KLHL25: variants seen among roughly 807,000 people sequenced by gnomAD.
The protein encoded by KLHL25 is kelch-like protein 25.
Under a neutral mutation model 30.0 loss-of-function variants are expected in KLHL25, and 41 were observed. The observed-to-expected ratio is 1.37, with a 90% CI of 1.07 to 1.78. KLHL25 has a LOEUF of 1.78. KLHL25 is among the 40% of genes most tolerant of loss of function. The pLI is 0.00. For synonymous variants in KLHL25, 399 were observed against 355.3 expected (o/e 1.12, Z -1.38); for missense variants, 971 against 824.5 (o/e 1.18, Z -2.18).
intron 1 of KLHL25, among the ~76,000 whole-genome samples, chr15:85,774,887 T>G (rs1352608040): frequency 6.6e-6 from 1 of 150,940 alleles, no homozygotes; most frequent in African/African-American, 2.4e-5. Flanking sequence ...TTTCTTTTTT[T>G]TTTTTTTGAG....
chr15:85,773,189 C>G (rs1223237465), intron 1 of KLHL25, among the ~76,000 whole-genome samples: 1 of 152,232 alleles, frequency 6.6e-6, no homozygotes, highest in African/African-American at 2.4e-5. Context: ...CTGATGTGAC[C>G]TCAACACCCA....
In KLHL25 at chr15:85,770,545, A is replaced by C. The variant is rs1197080450; in HGVS notation, c.-10-725T>G. On this transcript the variant is annotated intron_variant, in intron 1 of 2. Coordinates refer to ENST00000337975, the MANE Select transcript of KLHL25 (RefSeq NM_022480.4). The stretch of plus-strand genomic sequence containing the variant: ...CAGTGGAGACATGTTCTCTGAATCC[A>C]GGTGTCTCCACAGGGCTCTTTACCT... The C allele has an allele frequency of 1.9e-5, 10 of 534,114 alleles. No individual in the cohort carries two copies. The Admixed American group carries it at 1.9e-4, about 10-fold the overall frequency. The allele number at this position is 534,114 out of a possible 1,614,324, so 33.1% of individuals were successfully genotyped here.
At chr15:85,790,310 ACT>A (rs1239866394) in intron 1 of KLHL25, among the ~76,000 whole-genome samples, 2 of 152,010 alleles carry the variant, frequency 1.3e-5, no homozygotes, top group African/African-American at 4.8e-5. Context: ...CTGGTCTCAA[ACT>A]CCCGACCTCA....
intron 1 of KLHL25, among the ~76,000 whole-genome samples, chr15:85,772,275 G>C (rs1016571318): frequency 6.6e-6 from 1 of 152,220 alleles, no homozygotes; most frequent in Non-Finnish European, 1.5e-5. Context: ...CTGAGGTCAC[G>C]TTCAAGGGCC....
intron 1 of KLHL25, among the ~76,000 whole-genome samples, chr15:85,773,325 C>T (rs1375739880): frequency 1.3e-5 from 2 of 152,206 alleles, no homozygotes; most frequent in African/African-American, 4.8e-5. Flanking sequence ...ACCATGACTG[C>T]CAGCCCAGCC....
At chr15:85,785,678 A>G (rs1223150463) in intron 1 of KLHL25, among the ~76,000 whole-genome samples, 1 of 152,078 alleles carries the variant, frequency 6.6e-6, no homozygotes, top group African/African-American at 2.4e-5. Flanking sequence ...TGCTTTGTAC[A>G]ACACAGCAAA....
At position 85,768,760 on chromosome 15, in the gene KLHL25, C is replaced by A. The variant is rs368156822; in HGVS notation, c.1051G>T (p.Glu351Ter). 11 of 1,612,890 alleles carry A rather than the reference C, an allele frequency of 6.8e-6. No individual in the cohort carries two copies. In the African/African-American group the frequency reaches 9.3e-5, roughly 14 times the overall value. Reference sequence around the variant, plus strand: ...CAGACATCCTTGGAGACCCCGTTCTCGGAGCCCCTGCCCCCCGTCACATAG... The same window carrying A: ...CAGACATCCTTGGAGACCCCGTTCTAGGAGCCCCTGCCCCCCGTCACATAG... The part of the protein sequence containing the change: ...KVYVTGGRGS[E>*]NGVSKDVWVY... The change falls in exon 2 of 3, where the codon GAG becomes TAG. Residue 351 changes from glutamate to a stop codon, truncating the protein, a stop_gained. Coordinates refer to ENST00000337975, the MANE Select transcript of KLHL25 (RefSeq NM_022480.4). LOFTEE classifies it high-confidence loss of function.
chr15:85,770,643 A>G (rs1255165237), intron 1 of KLHL25: 1 of 492,562 alleles, frequency 2.0e-6, no homozygotes, highest in Non-Finnish European at 4.2e-6. Context: ...GAGGCCCAAG[A>G]TGACAGCAGG....
chr15:85,775,117 T>C (rs1454927827), intron 1 of KLHL25, among the ~76,000 whole-genome samples: 2 of 152,190 alleles, frequency 1.3e-5, no homozygotes, highest in Non-Finnish European at 1.5e-5. Flanking sequence ...CCTCAGGTGA[T>C]CTGCCCGTCT....
chr15:85,763,685 G>T (rs571524979), intron 2 of KLHL25: 5 of 152,276 alleles, frequency 3.3e-5, no homozygotes, highest in African/African-American at 1.2e-4. Flanking sequence ...TGGATGGAAA[G>T]GGGCCTCCAG....
chr15:85,761,936 C>T (rs575414226), intron 2 of KLHL25: 1 of 152,338 alleles, frequency 6.6e-6, no homozygotes, highest in Admixed American at 6.5e-5. Context: ...TATTAAGTAA[C>T]CTTAGTTACA....
At chr15:85,770,771 C>A (rs1316389495) in intron 1 of KLHL25, among the ~76,000 whole-genome samples, 1 of 152,218 alleles carries the variant, frequency 6.6e-6, no homozygotes, top group Non-Finnish European at 1.5e-5. Flanking sequence ...CGCAGCGCCT[C>A]CCCTGCCTCC....
chr15:85,769,947 A>C, intron 1 of KLHL25, 127 bp from the exon 2 acceptor site: 1 of 782,710 alleles, frequency 1.3e-6, no homozygotes. Flanking sequence ...TGCTAAACCA[A>C]GCCCCTCTCC....
rs567659596 is a variant in KLHL25 at position 85,759,578 on chromosome 15, C to T, written c.*1458G>A. ...ACACAGGCGGGGTCTGCTGGGTCTA[C>T]AGGGTCCAAGGAGCCCCATGCAGCC... is the stretch of plus-strand genomic sequence containing the variant. On this transcript the variant is annotated 3_prime_UTR_variant, in exon 3 of 3. Transcript: ENST00000337975. 5 of 152,390 alleles carry T rather than the reference C, an allele frequency of 3.3e-5. No homozygotes were observed. The highest frequency in any genetic ancestry group is 1.2e-4 in the African/African-American group (5 of 41,588). The allele number at this position is 152,390 out of a possible 1,614,324, so 9.4% of individuals were successfully genotyped here.
chr15:85,793,288 C>G (rs1285683413), intron 1 of KLHL25, among the ~76,000 whole-genome samples: 1 of 152,192 alleles, frequency 6.6e-6, no homozygotes, highest in Non-Finnish European at 1.5e-5. Flanking sequence ...CCCAAGACCC[C>G]AGGATGAAGG....
chr15:85,774,380 C>G (rs961328653), intron 1 of KLHL25, among the ~76,000 whole-genome samples: 3 of 152,216 alleles, frequency 2.0e-5, no homozygotes. Context: ...CAATCCTCAC[C>G]TACAGACTCA....
In KLHL25 at chr15:85,774,741, C is replaced by A. The variant is rs370890819; in HGVS notation, c.-10-4921G>T. 2.6e-4 allele frequency among the ~76,000 whole-genome samples: 40 copies of A among 152,256 alleles called. No individual in the cohort carries two copies. The East Asian group carries it at 6.8e-3, about 26-fold the overall frequency. The stretch of plus-strand genomic sequence containing the variant: ...ACAGGATGGGGAAACGAGAGAGGCA[C>A]AGCGCTCAGCCTGCGTAGTACCCAG... On this transcript the variant is annotated intron_variant, in intron 1 of 2. Transcript: ENST00000337975.
In KLHL25 at chr15:85,759,870, A is replaced by C. The variant is rs1006736465; in HGVS notation, c.*1166T>G. 1 of 152,232 alleles carries C rather than the reference A, an allele frequency of 6.6e-6. No individual in the cohort carries two copies. The highest frequency in any genetic ancestry group is 1.5e-5 in the Non-Finnish European group (1 of 68,058). 9.4% of individuals were successfully genotyped at this position (152,232 alleles called of 1,614,324 possible). On this transcript the variant is annotated 3_prime_UTR_variant, in exon 3 of 3. Transcript: ENST00000337975. ...CCTCTCAAATGGTGGCTTGGGAGTGAGCGAGAGGCATTAGGATGGTCACTG... is the reference window on the plus strand; with the variant it reads ...CCTCTCAAATGGTGGCTTGGGAGTGCGCGAGAGGCATTAGGATGGTCACTG...
At position 85,768,632 on chromosome 15, in the gene KLHL25, CA is replaced by C. The variant is rs745315255; in HGVS notation, c.1178del (p.Val393GlyfsTer19). ...SAELENCLYV[V>X]GGHTSLAGVF... The stretch of plus-strand genomic sequence containing the variant: ...CCCCTGCCAGGGATGTGTGTCCCCC[CA>C]CCACATAGAGGCAGTTCTCCAGCTC... On this transcript the variant is annotated frameshift_variant, in exon 2 of 3. Transcript: ENST00000337975. LOFTEE classifies it high-confidence loss of function. The C allele has an allele frequency of 6.2e-7, 1 of 1,612,838 alleles. No individual in the cohort carries two copies. The highest frequency in any genetic ancestry group is 8.5e-7 in the Non-Finnish European group (1 of 1,179,244).
Sources: gnomAD v4.1 joint callset for allele counts (sites outside exome capture counted in the v4.1 genomes callset) on GRCh38, gnomAD v4.1.1 for gene constraint, MANE v1.5 for transcripts, NCBI Gene and HGNC (gene_info 2026-07-23, HGNC 2026-07-21) for gene names.